AHCYL2: variants seen among roughly 807,000 people sequenced by gnomAD.
The protein encoded by AHCYL2 is S-adenosylhomocysteine hydrolase-like protein 2.
Under a neutral mutation model 81.4 loss-of-function variants are expected in AHCYL2, and 28 were observed. The ratio of observed to expected loss-of-function variants is 0.34; its 90% CI spans 0.25 to 0.47. The LOEUF (loss-of-function observed/expected upper bound fraction) is 0.47, where lower values mean the gene tolerates loss of function less well. Among genes scored for constraint, AHCYL2 ranks in the 20% least tolerant of loss-of-function variants. The probability of loss-of-function intolerance (pLI) is 1.00; values close to 1 mark genes in which losing one functional copy is unlikely to be tolerated. For synonymous variants in AHCYL2, 272 were observed against 290.2 expected, an observed-to-expected ratio of 0.94 and a Z score of 0.64; for missense variants, 551 against 785.1, an observed-to-expected ratio of 0.70 and a Z score of 3.56.
intron 1 of AHCYL2, among the ~76,000 whole-genome samples, chr7:129,335,775 C>T (rs1309181103): frequency 6.6e-6 from 1 of 152,134 alleles, no homozygotes; most frequent in Non-Finnish European, 1.5e-5. Flanking sequence ...CAGCGTGTCC[C>T]AAAGAAGACC....
At chr7:129,251,166 A>G (rs962643850) in intron 1 of AHCYL2, among the ~76,000 whole-genome samples, 1 of 152,124 alleles carries the variant, frequency 6.6e-6, no homozygotes, top group African/African-American at 2.4e-5. Flanking sequence ...ATCCTTCTCC[A>G]TTTGGATGGG....
intron 1 of AHCYL2, among the ~76,000 whole-genome samples, chr7:129,279,274 C>T (rs1162518764): frequency 4.6e-5 from 7 of 151,446 alleles, no homozygotes; most frequent in East Asian, 1.9e-4. Flanking sequence ...CTCAGCCTCC[C>T]GAGTAGCTGG....
chr7:129,231,434 C>T (rs1409898221), intron 1 of AHCYL2, among the ~76,000 whole-genome samples: 1 of 152,108 alleles, frequency 6.6e-6, no homozygotes, highest in African/African-American at 2.4e-5. Flanking sequence ...GTGATTCCCT[C>T]CCCCACGAGA....
At chr7:129,409,605 C>A in intron 11 of AHCYL2, 59 bp downstream of exon 11, 1 of 1,395,306 alleles carries the variant, frequency 7.2e-7, no homozygotes, top group Non-Finnish European at 1.0e-6. Context: ...GGAGCAGGTG[C>A]AAGATGATTG....
intron 1 of AHCYL2, among the ~76,000 whole-genome samples, chr7:129,337,950 G>A (rs1793010234): frequency 6.6e-6 from 1 of 151,756 alleles, no homozygotes; most frequent in African/African-American, 2.4e-5. Context: ...CTCCATGTTG[G>A]TCAGGCTGGC....
At chr7:129,384,954 TC>T (rs1795138233) in intron 2 of AHCYL2, among the ~76,000 whole-genome samples, 2 of 152,196 alleles carry the variant, frequency 1.3e-5, no homozygotes, top group African/African-American at 4.8e-5. Context: ...AAAAAACTCT[TC>T]CCCTAAGGAA....
At chr7:129,280,948 T>C (rs1796418956) in intron 1 of AHCYL2, among the ~76,000 whole-genome samples, 1 of 16,730 alleles carries the variant, frequency 6.0e-5, no homozygotes, top group Non-Finnish European at 2.1e-3. Context: ...CACTGCAACC[T>C]CTGCCTCCTG....
intron 1 of AHCYL2, among the ~76,000 whole-genome samples, chr7:129,227,962 G>A (rs1794288481): frequency 6.6e-6 from 1 of 152,168 alleles, no homozygotes; most frequent in Non-Finnish European, 1.5e-5. Context: ...TATTGAATTG[G>A]CTAAATCAAA....
chr7:129,414,658 A>G (rs1028067584), intron 12 of AHCYL2, among the ~76,000 whole-genome samples: 3 of 152,022 alleles, frequency 2.0e-5, no homozygotes, highest in African/African-American at 7.2e-5. Context: ...TGACCTTGTG[A>G]TCTGCCCACC....
At chr7:129,379,600 G>T (rs1365268378) in intron 1 of AHCYL2, 38 bp from the exon 2 acceptor site, 2 of 1,528,548 alleles carry the variant, frequency 1.3e-6, no homozygotes, top group Non-Finnish European at 1.8e-6. Flanking sequence ...CAAAATGGAG[G>T]TTCTTTTTCT....
intron 1 of AHCYL2, among the ~76,000 whole-genome samples, chr7:129,354,082 A>G (rs935797231): frequency 6.6e-6 from 1 of 152,178 alleles, no homozygotes; most frequent in African/African-American, 2.4e-5. Context: ...ACAGACCATA[A>G]TAGATTGAGG....
At chr7:129,307,761 G>A (rs1797494853) in intron 1 of AHCYL2, among the ~76,000 whole-genome samples, 2 of 151,654 alleles carry the variant, frequency 1.3e-5, no homozygotes, top group African/African-American at 2.4e-5. Flanking sequence ...AAGACCCATG[G>A]CAGGTCCTAG....
chr7:129,290,584 G>C (rs749275084), intron 1 of AHCYL2, among the ~76,000 whole-genome samples: 2 of 151,862 alleles, frequency 1.3e-5, no homozygotes, highest in Non-Finnish European at 2.9e-5. Context: ...AGAAAGTGCA[G>C]TATAACAGTA....
At chr7:129,410,460 G>C (rs941132488) in intron 11 of AHCYL2, 1 of 1,250,002 alleles carries the variant, frequency 8.0e-7, no homozygotes, top group Non-Finnish European at 1.2e-6. Flanking sequence ...AAATGTGTAC[G>C]TCATTCATTA....
chr7:129,318,527 G>T (rs1797902692), intron 1 of AHCYL2, among the ~76,000 whole-genome samples: 1 of 152,218 alleles, frequency 6.6e-6, no homozygotes, highest in Non-Finnish European at 1.5e-5. Context: ...AATCCATGGT[G>T]GTGGGTAAGA....
chr7:129,291,458 C>T (rs141035521), intron 1 of AHCYL2, among the ~76,000 whole-genome samples: 85 of 150,518 alleles, frequency 5.6e-4, no homozygotes, highest in African/African-American at 2.0e-3. Context: ...TCAAATCATG[C>T]ATTCTTTTAC....
intron 1 of AHCYL2, among the ~76,000 whole-genome samples, chr7:129,294,838 A>G (rs1046931893): frequency 6.6e-6 from 1 of 152,196 alleles, no homozygotes; most frequent in Non-Finnish European, 1.5e-5. Context: ...GATAAGTCAT[A>G]TGTTGCCTTT....
intron 6 of AHCYL2, 57 bp from the exon 7 acceptor site, chr7:129,403,322 A>G (rs1204076764): frequency 4.5e-5 from 53 of 1,166,742 alleles, no homozygotes; most frequent in Non-Finnish European, 6.2e-5. Flanking sequence ...CCAGAGAAGC[A>G]CTGAAGCCTT....
intron 1 of AHCYL2, among the ~76,000 whole-genome samples, chr7:129,231,156 C>T (rs1271009095): frequency 6.6e-6 from 1 of 151,874 alleles, no homozygotes; most frequent in African/African-American, 2.4e-5. Context: ...CACTTGAATG[C>T]TTGAATGCGG....
Sources: gnomAD v4.1 joint callset for allele counts (sites outside exome capture counted in the v4.1 genomes callset) on GRCh38, gnomAD v4.1.1 for gene constraint, MANE v1.5 for transcripts, NCBI Gene and HGNC (gene_info 2026-07-23, HGNC 2026-07-21) for gene names.